Variants in SLC26A4 observed in about 807,000 individuals in gnomAD.
SLC26A4 encodes solute carrier family 26 member 4, also known as pendrin.
Under a neutral mutation model 90.4 loss-of-function variants are expected in SLC26A4, and 93 were observed. The ratio of observed to expected loss-of-function variants is 1.03; its 90% CI spans 0.87 to 1.22. The LOEUF is 1.22. Among genes scored for constraint, SLC26A4 ranks in the 50% most tolerant of loss-of-function variants. The probability of loss-of-function intolerance (pLI) is 0.00; values close to 1 mark genes in which losing one functional copy is unlikely to be tolerated. For synonymous variants in SLC26A4, 393 were observed against 354.6 expected (o/e 1.11, Z -1.22); for missense variants, 1,127 against 946.2 (o/e 1.19, Z -2.51).
intron 6 of SLC26A4, among the ~76,000 whole-genome samples, chr7:107,682,235 G>T (rs184461008): frequency 6.7e-6 from 1 of 149,926 alleles, no homozygotes; most frequent in African/African-American, 2.5e-5. Context: ...GTTAAATGAC[G>T]AGTTAATGGG....
chr7:107,663,905 G>A lies in SLC26A4; in HGVS notation c.304+470G>A, dbSNP rs184288269. The stretch of plus-strand genomic sequence containing the variant: ...TCACCGGGTTAGCCAGGATGGTATC[G>A]ACCTCCTGACCTCGTGATCCGCCTG... On this transcript the variant is annotated intron_variant, in intron 3 of 20. Transcript: ENST00000644269. Among the ~76,000 whole-genome samples the A allele has an allele frequency of 3.8e-3, 584 of 152,088 alleles. 4 individuals are homozygous for A. Among genetic ancestry groups the A allele is most frequent in the African/African-American group, 0.013 (548 of 41,506 alleles).
chr7:107,703,665 A>G (rs763557961), intron 17 of SLC26A4, among the ~76,000 whole-genome samples: 4 of 152,246 alleles, frequency 2.6e-5, no homozygotes, highest in African/African-American at 4.8e-5. Context: ...ACTTTCAAAT[A>G]TTATAATGAC....
At chr7:107,668,804 G>A (rs73724564) in intron 3 of SLC26A4, among the ~76,000 whole-genome samples, 1,525 of 152,180 alleles carry the variant, frequency 0.01, 34 homozygotes, top group African/African-American at 0.035. Flanking sequence ...ACCTTGCTGC[G>A]TCCTCACATG....
rs1484102427 is a variant in SLC26A4, at chr7:107,666,962, T to C, written c.304+3527T>C. Among the ~76,000 whole-genome samples the C allele has an allele frequency of 5.3e-5, 8 of 152,318 alleles. No homozygotes were observed. In the East Asian group the frequency reaches 5.8e-4, roughly 11 times the overall value. ...TGAAGAGAGCTGCAAGATAGGAATA[T>C]ATTGTGCAGCAAGAATCACTGACAC... is the stretch of plus-strand genomic sequence containing the variant. On this transcript the variant is annotated intron_variant, in intron 3 of 20. Transcript: ENST00000644269.
At chr7:107,700,767 A>T (rs1179072086) in intron 15 of SLC26A4, among the ~76,000 whole-genome samples, 1 of 152,216 alleles carries the variant, frequency 6.6e-6, no homozygotes, top group Non-Finnish European at 1.5e-5. Flanking sequence ...ATGTTCACAG[A>T]TTTTGCAATA....
At chr7:107,681,917 C>A (rs1791240427) in intron 6 of SLC26A4, among the ~76,000 whole-genome samples, 1 of 151,242 alleles carries the variant, frequency 6.6e-6, no homozygotes, top group South Asian at 2.1e-4. Flanking sequence ...GACACCATCC[C>A]CTGCCCCCAC....
At chr7:107,671,923 A>C (rs1358057816) in intron 3 of SLC26A4, among the ~76,000 whole-genome samples, 2 of 152,252 alleles carry the variant, frequency 1.3e-5, no homozygotes, top group African/African-American at 4.8e-5. Context: ...ATTTTATAAT[A>C]AAGTATTGAA....
rs754510406 is a variant in SLC26A4, at chr7:107,683,343, G to C, written c.907G>C (p.Glu303Gln). Residue 303 changes from glutamate (E) to glutamine (Q), a missense_variant, in exon 7 of 21, where the codon GAA (glutamate) becomes CAA (glutamine). By Grantham distance (29) the Glu-to-Gln change is conservative. Transcript: ENST00000644269. The stretch of plus-strand genomic sequence containing the variant: ...CAAAATCCCAGTCCCTATTCCTATA[G>C]AAGTAATTGTGGTAAGTAGAATATG... ...RHKIPVPIPI[E>Q]VIVTIIATAI... 2 of 1,613,710 alleles carry C rather than the reference G, an allele frequency of 1.2e-6. No homozygotes were observed. Among genetic ancestry groups the C allele is most frequent in the Non-Finnish European group, 8.5e-7 (1 of 1,179,696 alleles).
rs786204502 is a variant in SLC26A4 at position 107,701,942 on chromosome 7, G to T, written c.1919G>T (p.Trp640Leu). ...AAGGAAATAGAGATTCAAGTGGATTGGAACTCTGAGCTTCCAGTCAAAGTG... is the reference window on the plus strand; with the variant it reads ...AAGGAAATAGAGATTCAAGTGGATTTGAACTCTGAGCTTCCAGTCAAAGTG... ...PTKEIEIQVD[W>L]NSELPVKVNV... The change falls in exon 17 of 21, where the codon TGG becomes TTG. Residue 640 changes from tryptophan to leucine, a missense_variant. Coordinates refer to ENST00000644269, the MANE Select transcript of SLC26A4 (RefSeq NM_000441.2). The T allele has an allele frequency of 6.2e-7, 1 of 1,613,254 alleles. No individual in the cohort carries two copies. Among genetic ancestry groups the T allele is most frequent in the African/African-American group, 1.3e-5 (1 of 75,026 alleles).
chr7:107,696,143 T>C, intron 13 of SLC26A4, 104 bp downstream of exon 13: 1 of 783,580 alleles, frequency 1.3e-6, no homozygotes, highest in Non-Finnish European at 2.3e-6. Flanking sequence ...TTCGTTATAG[T>C]TACTGTATAT....
intron 13 of SLC26A4, 45 bp from the exon 14 acceptor site, chr7:107,697,997 T>TA: frequency 8.1e-7 from 1 of 1,231,160 alleles, no homozygotes; most frequent in Non-Finnish European, 1.2e-6. Flanking sequence ...TATTCCAAAA[T>TA]ACGGCTGTTC....
intron 16 of SLC26A4, 117 bp from the exon 17 acceptor site, chr7:107,701,710 C>A: frequency 1.3e-6 from 1 of 743,554 alleles, no homozygotes; most frequent in South Asian, 1.5e-5. Context: ...AAAAATTCAT[C>A]TCCTTGATGT....
intron 18 of SLC26A4, among the ~76,000 whole-genome samples, chr7:107,709,759 G>A (rs576538277): frequency 6.6e-6 from 1 of 152,194 alleles, no homozygotes; most frequent in African/African-American, 2.4e-5. Flanking sequence ...TCAAATCTGG[G>A]TCACATTTTG....
rs375221085 is a variant in SLC26A4, at chr7:107,689,172, A to G, written c.1121A>G (p.Lys374Arg). Reference sequence around the variant, plus strand: ...TCAGTAGGAAAAGTATATGCCACCAAGTATGATTACACCATCGATGGGAAC... The same window carrying G: ...TCAGTAGGAAAAGTATATGCCACCAGGTATGATTACACCATCGATGGGAAC... Reference protein sequence around the residue: ...AVSVGKVYATKYDYTIDGNQE... With the variant: ...AVSVGKVYATRYDYTIDGNQE... Residue 374 changes from lysine (K) to arginine (R), a missense_variant, in exon 9 of 21, where the codon AAG becomes AGG. Coordinates refer to ENST00000644269, the MANE Select transcript of SLC26A4 (RefSeq NM_000441.2). 4.3e-6 allele frequency: 7 copies of G among 1,613,802 alleles called. No homozygotes were observed. In the African/African-American group the frequency reaches 9.3e-5, roughly 22 times the overall value.
chr7:107,668,715 ATTTG>A (rs768011381), intron 3 of SLC26A4, among the ~76,000 whole-genome samples: 2 of 152,190 alleles, frequency 1.3e-5, no homozygotes, highest in South Asian at 2.1e-4. Flanking sequence ...ACTTTTATGT[ATTTG>A]TTTGTTTAAA....
chr7:107,671,154 G>A (rs1790856036), intron 3 of SLC26A4, among the ~76,000 whole-genome samples: 1 of 152,034 alleles, frequency 6.6e-6, no homozygotes. Flanking sequence ...GGAGTGAATT[G>A]ACCAAAACTT....
chr7:107,707,969 A>G (rs893252632), intron 18 of SLC26A4, among the ~76,000 whole-genome samples: 1 of 152,354 alleles, frequency 6.6e-6, no homozygotes, highest in African/African-American at 2.4e-5. Flanking sequence ...GTGAAAAAAG[A>G]GTTCAAAGGC....
intron 3 of SLC26A4, among the ~76,000 whole-genome samples, chr7:107,671,085 C>G (rs186893588): frequency 6.6e-6 from 1 of 152,172 alleles, no homozygotes; most frequent in Admixed American, 6.5e-5. Flanking sequence ...TCCCTCAGAA[C>G]GCAGAGAAAT....
intron 8 of SLC26A4, among the ~76,000 whole-genome samples, chr7:107,686,405 TTTTCTTTCTTTCTTTCTTTC>T (rs774114215): frequency 6.7e-4 from 55 of 82,576 alleles, no homozygotes; most frequent in South Asian, 2.1e-3. Context: ...TCTCTCTCTT[TTTTCTTTCTTTCTTTCTTTC>T]TTTCTTTCTT....
Sources: gnomAD v4.1 joint callset for allele counts (sites outside exome capture counted in the v4.1 genomes callset) on GRCh38, gnomAD v4.1.1 for gene constraint, MANE v1.5 for transcripts, NCBI Gene and HGNC (gene_info 2026-07-23, HGNC 2026-07-21) for gene names.